Variants in ADCY2 observed in about 807,000 individuals in gnomAD.
ADCY2 encodes adenylate cyclase 2.
ADCY2 carries 31 observed loss-of-function variants against 125.2 expected under a neutral mutation model. That is an observed-to-expected ratio of 0.25 (90% CI 0.19 to 0.33). ADCY2 has a LOEUF of 0.33. Among genes scored for constraint, ADCY2 ranks in the 10% least tolerant of loss-of-function variants. The pLI, the probability that ADCY2 is intolerant of heterozygous loss-of-function variation, is 1.00. For missense variants in ADCY2, 904 were observed against 1,418.2 expected, an observed-to-expected ratio of 0.64 and a Z score of 5.82; for synonymous variants, 512 against 548.4, an observed-to-expected ratio of 0.93 and a Z score of 0.93.
chr5:7,468,930 A>C (rs760385058), intron 2 of ADCY2, among the ~76,000 whole-genome samples: 11 of 152,162 alleles, frequency 7.2e-5, no homozygotes, highest in African/African-American at 1.2e-4. Flanking sequence ...TTGTAAATTC[A>C]TGCCAAAGCT....
At chr5:7,550,454 A>T (rs773380255) in intron 3 of ADCY2, among the ~76,000 whole-genome samples, 7 of 152,162 alleles carry the variant, frequency 4.6e-5, no homozygotes, top group Non-Finnish European at 1.0e-4. Context: ...AATGGCAGTG[A>T]CCCTGAAGTG....
intron 2 of ADCY2, among the ~76,000 whole-genome samples, chr5:7,420,631 A>T (rs1398816689): frequency 6.6e-6 from 1 of 152,188 alleles, no homozygotes; most frequent in Non-Finnish European, 1.5e-5. Context: ...AACCCAGCTG[A>T]TGCCATTCCA....
At chr5:7,402,437 C>G (rs759943478) in intron 1 of ADCY2, among the ~76,000 whole-genome samples, 11 of 152,196 alleles carry the variant, frequency 7.2e-5, no homozygotes, top group Non-Finnish European at 1.2e-4. Flanking sequence ...GACATAGTTC[C>G]TTTGGTTCCC....
At chr5:7,589,498 GAA>G (rs1170625766) in intron 3 of ADCY2, among the ~76,000 whole-genome samples, 37 of 51,658 alleles carry the variant, frequency 7.2e-4, no homozygotes, top group Non-Finnish European at 1.5e-3. Flanking sequence ...AAGAAAGAAA[GAA>G]AGAAAGAAAG....
intron 3 of ADCY2, among the ~76,000 whole-genome samples, chr5:7,624,771 T>C (rs1738068151): frequency 1.3e-5 from 2 of 152,142 alleles, no homozygotes; most frequent in South Asian, 4.2e-4. Context: ...GTCTGTGTTT[T>C]GGGGAGATTC....
chr5:7,490,236 G>A (rs752444357), intron 2 of ADCY2, among the ~76,000 whole-genome samples: 26 of 152,094 alleles, frequency 1.7e-4, no homozygotes, highest in Non-Finnish European at 2.6e-4. Context: ...TTCTATAAGC[G>A]TTGTTCTTTT....
intron 2 of ADCY2, among the ~76,000 whole-genome samples, chr5:7,459,740 A>G (rs1741841098): frequency 6.6e-6 from 1 of 150,662 alleles, no homozygotes; most frequent in African/African-American, 2.5e-5. Context: ...TAATAAGTCA[A>G]ATAAATGAAC....
At chr5:7,527,481 C>T (rs1055314460) in intron 3 of ADCY2, among the ~76,000 whole-genome samples, 2 of 152,050 alleles carry the variant, frequency 1.3e-5, no homozygotes, top group South Asian at 2.1e-4. Flanking sequence ...ATTCATAGCA[C>T]GTTCTGAATT....
chr5:7,493,284 A>G (rs1561055713), intron 2 of ADCY2, among the ~76,000 whole-genome samples: 1 of 152,142 alleles, frequency 6.6e-6, no homozygotes, highest in African/African-American at 2.4e-5. Context: ...GCAGCCTTCC[A>G]AAAGGTTCTC....
At chr5:7,757,648 A>G in intron 16 of ADCY2, 62 bp downstream of exon 16, 3 of 1,556,942 alleles carry the variant, frequency 1.9e-6, no homozygotes, top group Non-Finnish European at 2.6e-6. Flanking sequence ...CGTGTTCAAC[A>G]TGGTAAGCCC....
Position 7,761,074 on chromosome 5 carries a change from TTTTTCTC to T in ADCY2, c.2094+3493_2094+3499del, listed in dbSNP as rs143040660. 5.8e-3 allele frequency among the ~76,000 whole-genome samples: 882 copies of T among 152,170 alleles called. 6 individuals are homozygous for T. The highest frequency in any genetic ancestry group is 0.02 in the African/African-American group (841 of 41,504). On this transcript the variant is annotated intron_variant, in intron 16 of 24. Transcript: ENST00000338316. ...ATCTATGTTGTTGCAAATGACAAGA[TTTTTCTC>T]TTTTTTAAGGCTGGATAATATTCCA...
intron 3 of ADCY2, among the ~76,000 whole-genome samples, chr5:7,623,497 C>T (rs923714587): frequency 6.6e-6 from 1 of 152,148 alleles, no homozygotes. Context: ...TGACAATGCA[C>T]CATTGGACAC....
intron 1 of ADCY2, among the ~76,000 whole-genome samples, chr5:7,407,937 C>T (rs1229001007): frequency 6.9e-6 from 1 of 145,226 alleles, no homozygotes; most frequent in Non-Finnish European, 1.5e-5. Flanking sequence ...GGCACAATTT[C>T]GGCTCACTGA....
chr5:7,396,488 C>T lies in ADCY2; in HGVS notation c.192C>T (p.Val64=). 6.4e-7 allele frequency: 1 copy of T among 1,566,728 alleles called. No homozygotes were observed. Among genetic ancestry groups the T allele is most frequent in the Non-Finnish European group, 8.6e-7 (1 of 1,157,110 alleles). The change falls in exon 1 of 25, where the codon GTC becomes GTT. Residue 64 remains valine (V), a synonymous_variant. Coordinates refer to ENST00000338316, the MANE Select transcript of ADCY2 (RefSeq NM_020546.3). This position sits in a 1 kb window ranked among gnomAD's most constrained non-coding sequence, Gnocchi z 5.7. The stretch of plus-strand genomic sequence containing the variant: ...GCTCCTGCCTCGCCCTGCTCGCCGT[C>T]TTCTTCGCGCTCGGGCTGGTGAGTG... ...VMGSCLALLA[V]FFALGLEVED... is the part of the protein sequence containing the mutation.
chr5:7,823,884 C>G (rs1055422148), intron 24 of ADCY2, among the ~76,000 whole-genome samples: 3 of 152,066 alleles, frequency 2.0e-5, no homozygotes, highest in African/African-American at 7.2e-5. Flanking sequence ...TCATAAAGCT[C>G]CATGCGACTC....
chr5:7,520,166 C>T (rs1466532006), intron 2 of ADCY2, among the ~76,000 whole-genome samples: 1 of 152,116 alleles, frequency 6.6e-6, no homozygotes, highest in East Asian at 1.9e-4. Context: ...TGGAAATATA[C>T]ACAGGAGTAG....
intron 19 of ADCY2, 119 bp downstream of exon 19, chr5:7,784,568 C>T (rs1283785851): frequency 2.9e-6 from 2 of 688,588 alleles, no homozygotes; most frequent in Non-Finnish European, 4.8e-6. Flanking sequence ...TTAGAATCAT[C>T]TTATCACTGA....
intron 3 of ADCY2, among the ~76,000 whole-genome samples, chr5:7,596,140 C>T (rs1317659436): frequency 6.6e-6 from 1 of 152,042 alleles, no homozygotes; most frequent in Non-Finnish European, 1.5e-5. Flanking sequence ...GGTAAGCTGT[C>T]TATCATAGTT....
chr5:7,738,526 G>GA (rs1560926741), intron 14 of ADCY2, among the ~76,000 whole-genome samples: 22 of 151,378 alleles, frequency 1.5e-4, no homozygotes, highest in East Asian at 9.7e-4. Flanking sequence ...AAGCAATGGG[G>GA]CAAATAAACA....
Sources: allele counts gnomAD v4.1 joint callset (sites outside exome capture counted in the v4.1 genomes callset), GRCh38; gene constraint gnomAD v4.1.1; non-coding constraint Gnocchi (gnomAD v3.1); transcripts MANE v1.5; gene names NCBI Gene and HGNC (gene_info 2026-07-23, HGNC 2026-07-21).